Variants in ALOX12 observed in about 807,000 individuals in gnomAD.
ALOX12 encodes the protein arachidonate 12-lipoxygenase, 12S type.
Under a neutral mutation model 85.5 loss-of-function variants are expected in ALOX12, and 62 were observed. The ratio of observed to expected loss-of-function variants is 0.73; its 90% CI spans 0.59 to 0.90. The LOEUF (loss-of-function observed/expected upper bound fraction) is 0.90, where lower values mean the gene tolerates loss of function less well. ALOX12 is among the 40% of genes least tolerant of loss of function. ALOX12 has a pLI of 0.00. For missense variants in ALOX12, 751 were observed against 856.5 expected (o/e 0.88, Z 1.54); for synonymous variants, 299 against 332.7 (o/e 0.90, Z 1.10).
rs779986334 is a variant in ALOX12, at chr17:7,000,429, G to A, written c.901G>A (p.Val301Ile). 18 of 1,613,934 alleles carry A rather than the reference G, an allele frequency of 1.1e-5. No individual in the cohort carries two copies. The highest frequency in any genetic ancestry group is 2.2e-5 in the South Asian group (2 of 91,086). ...GAAGCAATACCTGGCTGCCCCCCTC[G>A]TTATGCTGAAGATGGAGCCCAATGG... ...GEKQYLAAPLVMLKMEPNGKL... is the reference protein window; with the variant it reads ...GEKQYLAAPLIMLKMEPNGKL... Residue 301 changes from valine to isoleucine, a missense_variant, in exon 7 of 14, where the codon GTT becomes ATT. Physicochemically the swap from Val to Ile is conservative, Grantham distance 29. Coordinates refer to ENST00000251535, the MANE Select transcript of ALOX12 (RefSeq NM_000697.3). The surrounding 1 kb of genome is among the most constrained non-coding windows in gnomAD (Gnocchi z 4.6).
chr17:7,001,929 A>G, intron 8 of ALOX12, 118 bp downstream of exon 8: 2 of 793,608 alleles, frequency 2.5e-6, no homozygotes, highest in Non-Finnish European at 4.0e-6. Context: ...TGAAGAGGAG[A>G]CTGTCTCAAT....
chr17:7,001,427 C>G (rs898510977), intron 7 of ALOX12, 175 bp from the exon 8 acceptor site: 16 of 663,904 alleles, frequency 2.4e-5, no homozygotes, highest in Non-Finnish European at 3.9e-5. Flanking sequence ...TGCCTTCCAC[C>G]TGACATCAGG....
chr17:6,999,196 C>T (rs1036225131), intron 5 of ALOX12, 110 bp from the exon 6 acceptor site: 30 of 1,513,780 alleles, frequency 2.0e-5, no homozygotes, highest in African/African-American at 1.9e-4. Flanking sequence ...AGAATGAAAA[C>T]GCAGAAGCTG....
At chr17:7,001,359 G>T in intron 7 of ALOX12, 1 of 548,564 alleles carries the variant, frequency 1.8e-6, no homozygotes, top group Non-Finnish European at 3.3e-6. Flanking sequence ...CAAAGCAGCA[G>T]GTTTCTCCCA....
Position 7,008,752 on chromosome 17 carries a change from A to C in ALOX12, c.1541-995A>C, listed in dbSNP as rs891131665. On this transcript the variant is annotated intron_variant, in intron 11 of 13. Coordinates refer to ENST00000251535, the MANE Select transcript of ALOX12 (RefSeq NM_000697.3). ...CAGAGCAAGACTCCGTCTCAAAAAA[A>C]AAAAAAAGATTATCGGGTCTCTGAG... is the stretch of plus-strand genomic sequence containing the variant. 2.6e-5 allele frequency among the ~76,000 whole-genome samples: 4 copies of C among 152,006 alleles called. No homozygotes were observed. In the East Asian group the frequency reaches 7.7e-4, roughly 29 times the overall value.
At position 6,998,841 on chromosome 17, in the gene ALOX12, A is replaced by T. The variant is rs1908571957; in HGVS notation, c.542+4A>T. 1 of 1,614,104 alleles carries T rather than the reference A, an allele frequency of 6.2e-7. No homozygotes were observed. Among genetic ancestry groups the T allele is most frequent in the African/African-American group, 1.3e-5 (1 of 74,936 alleles). On this transcript the variant is annotated splice_donor_region_variant and intron_variant, in intron 4 of 13. Transcript: ENST00000251535. ...TTGAATGGACACTGAAGGCAGGGTGAGAAAAAGGCTAGACCTCGGAGTGAA... is the reference window on the plus strand; with the variant it reads ...TTGAATGGACACTGAAGGCAGGGTGTGAAAAAGGCTAGACCTCGGAGTGAA...
Position 7,000,309 on chromosome 17 carries a change from A to G in ALOX12, c.808-27A>G. The stretch of plus-strand genomic sequence containing the variant: ...CCTGGGGGTAGACTTTGAACTCTAA[A>G]AATGGATACATCCCTCCTGTCCCCA... On this transcript the variant is annotated intron_variant, in intron 6 of 13. Coordinates refer to ENST00000251535, the MANE Select transcript of ALOX12 (RefSeq NM_000697.3). This position sits in a 1 kb window ranked among gnomAD's most constrained non-coding sequence, Gnocchi z 4.6. 6.2e-7 allele frequency: 1 copy of G among 1,612,850 alleles called. No homozygotes were observed.
rs11571349 is a variant in ALOX12, at chr17:7,009,233, G to A, written c.1541-514G>A. On this transcript the variant is annotated intron_variant, in intron 11 of 13. Transcript: ENST00000251535. ...CGCCACCACACCTGGCTAACTTTTC[G>A]TATTTTTAGTAGAGACGGGGTTTCA... is the stretch of plus-strand genomic sequence containing the variant. 3.5e-3 allele frequency among the ~76,000 whole-genome samples: 533 copies of A among 151,684 alleles called. 2 individuals carry two copies. Among genetic ancestry groups the A allele is most frequent in the South Asian group, 0.011 (51 of 4,804 alleles).
chr17:7,000,406 A>C lies in ALOX12; in HGVS notation c.878A>C (p.Lys293Thr). The change falls in exon 7 of 14, where the codon AAG becomes ACG. Residue 293 changes from lysine (K) to threonine (T), a missense_variant. Lys to Thr is a moderately conservative substitution (Grantham distance 78). Coordinates refer to ENST00000251535, the MANE Select transcript of ALOX12 (RefSeq NM_000697.3). This position sits in a 1 kb window ranked among gnomAD's most constrained non-coding sequence, Gnocchi z 4.6. ...CCAGCCAACGTGATCCGAGGAGAGA[A>C]GCAATACCTGGCTGCCCCCCTCGTT... The part of the protein sequence containing the change: ...GIPANVIRGE[K>T]QYLAAPLVML... 1 of 1,614,190 alleles carries C rather than the reference A, an allele frequency of 6.2e-7. No homozygotes were observed. Among genetic ancestry groups the C allele is most frequent in the Non-Finnish European group, 8.5e-7 (1 of 1,180,030 alleles).
intron 11 of ALOX12, 157 bp from the exon 12 acceptor site, chr17:7,009,590 A>G: frequency 1.5e-6 from 1 of 666,458 alleles, no homozygotes; most frequent in African/African-American, 1.8e-5. Flanking sequence ...ACTAAGTGTA[A>G]GTGACTGAGC....
rs1908417057 is a variant in ALOX12 at position 6,996,148 on chromosome 17, G to C, written c.31G>C (p.Gly11Arg). The change falls in exon 1 of 14, where the codon GGG becomes CGG. Residue 11 changes from glycine (G) to arginine (R), a missense_variant. Gly to Arg is a moderately radical substitution (Grantham distance 125, BLOSUM62 -2). Coordinates refer to ENST00000251535, the MANE Select transcript of ALOX12 (RefSeq NM_000697.3). Reference sequence around the variant, plus strand: ...CCGCTACCGCATCCGCGTGGCCACCGGGGCCTGGCTCTTCTCCGGGTCGTA... The same window carrying C: ...CCGCTACCGCATCCGCGTGGCCACCCGGGCCTGGCTCTTCTCCGGGTCGTA... MGRYRIRVATGAWLFSGSYNR... is the reference protein window; with the variant it reads MGRYRIRVATRAWLFSGSYNR... The C allele has an allele frequency of 1.6e-6, 2 of 1,252,858 alleles. No homozygotes were observed. Among genetic ancestry groups the C allele is most frequent in the African/African-American group, 3.1e-5 (2 of 64,592 alleles). The allele number at this position is 1,252,858 out of a possible 1,614,324, so 77.6% of individuals were successfully genotyped here. A position where few individuals can be genotyped will look rare whatever the true frequency, so the allele number is the denominator to read the frequency against.
chr17:7,001,344 G>A (rs915207585), intron 7 of ALOX12: 31 of 507,760 alleles, frequency 6.1e-5, no homozygotes, highest in Middle Eastern at 5.3e-4. Context: ...TCTGAGCGCC[G>A]ACCCCAAAGC....
rs1597847784 is a variant in ALOX12 at position 6,996,114 on chromosome 17, C to T, written c.-4C>T. 4 of 1,248,246 alleles carry T rather than the reference C, an allele frequency of 3.2e-6. No homozygotes were observed. Among genetic ancestry groups the T allele is most frequent in the East Asian group, 3.1e-5 (1 of 31,766 alleles). 77.3% of individuals were successfully genotyped at this position (1,248,246 alleles called of 1,614,324 possible). A position where few individuals can be genotyped will look rare whatever the true frequency, so the allele number is the denominator to read the frequency against. ...TCCCCTCGCCTAAGCTGCTGGGGGG[C>T]GCCATGGGCCGCTACCGCATCCGCG... On this transcript the variant is annotated 5_prime_UTR_variant, in exon 1 of 14. Transcript: ENST00000251535.
At chr17:7,004,793 G>A (rs1908954860) in intron 8 of ALOX12, among the ~76,000 whole-genome samples, 1 of 152,196 alleles carries the variant, frequency 6.6e-6, no homozygotes, top group East Asian at 1.9e-4. Flanking sequence ...TTAAGAGGAT[G>A]TGAATGACAG....
At chr17:6,996,741 G>T in intron 1 of ALOX12, 85 bp from the exon 2 acceptor site, 1 of 1,452,174 alleles carries the variant, frequency 6.9e-7, no homozygotes, top group East Asian at 2.4e-5. Flanking sequence ...GAGAAACTGA[G>T]GTTGCACAGG....
Position 7,009,998 on chromosome 17 carries a change from C to A in ALOX12, c.1684C>A (p.Arg562=). The change falls in exon 13 of 14, where the codon CGG becomes AGG. Residue 562 remains arginine (R), a synonymous_variant. Coordinates refer to ENST00000251535, the MANE Select transcript of ALOX12 (RefSeq NM_000697.3). ...GGTCCCTAATGCTCCATGCACAATG[C>A]GGATGCCCCCACCCACCACCAAGGA... ...AWVPNAPCTM[R]MPPPTTKEDV... 9 of 1,614,118 alleles carry A rather than the reference C, an allele frequency of 5.6e-6. No individual in the cohort carries two copies. Among genetic ancestry groups the A allele is most frequent in the Non-Finnish European group, 7.6e-6 (9 of 1,180,016 alleles).
chr17:7,002,305 T>G (rs13396), intron 8 of ALOX12: 74 of 342,738 alleles, frequency 2.2e-4, no homozygotes, highest in African/African-American at 1.6e-3. Flanking sequence ...TGCCCAACAG[T>G]AAGGTGGATA....
rs781738045 is a variant in ALOX12 at position 6,998,940 on chromosome 17, A to G, written c.543-13A>G. ...GGATCAGCTGATGAGTTAAGCCTCA[A>G]TACCTGTCCTAGGGCTCTGGAGATG... On this transcript the variant is annotated splice_polypyrimidine_tract_variant and intron_variant, in intron 4 of 13. Transcript: ENST00000251535. 4 of 1,614,038 alleles carry G rather than the reference A, an allele frequency of 2.5e-6. No individual in the cohort carries two copies. Among genetic ancestry groups the G allele is most frequent in the Admixed American group, 1.7e-5 (1 of 60,036 alleles).
Position 7,009,785 on chromosome 17 carries a change from C to T in ALOX12, c.1579C>T (p.His527Tyr). The stretch of plus-strand genomic sequence containing the variant: ...CTTCCAGTCCCAGAGTCAACTCTGC[C>T]ATTTCCTCACCATGTGCGTCTTCAC... ...VSFQSQSQLC[H>Y]FLTMCVFTCT... Residue 527 changes from histidine to tyrosine, a missense_variant, in exon 12 of 14, where the codon CAT (histidine) becomes TAT (tyrosine). Physicochemically the swap from His to Tyr is moderately conservative, Grantham distance 83. Coordinates refer to ENST00000251535, the MANE Select transcript of ALOX12 (RefSeq NM_000697.3). 3 of 1,614,240 alleles carry T rather than the reference C, an allele frequency of 1.9e-6. No homozygotes were observed. The highest frequency in any genetic ancestry group is 2.5e-6 in the Non-Finnish European group (3 of 1,180,046).
Sources: gnomAD v4.1 joint callset for allele counts (sites outside exome capture counted in the v4.1 genomes callset) on GRCh38, gnomAD v4.1.1 for gene constraint, Gnocchi (gnomAD v3.1) non-coding constraint, MANE v1.5 for transcripts, NCBI Gene and HGNC (gene_info 2026-07-23, HGNC 2026-07-21) for gene names.